ZNF547: variants seen among roughly 807,000 people sequenced by gnomAD.
ZNF547 encodes the protein zinc finger protein 547.
In ZNF547, 4 loss-of-function variants were observed where a neutral mutation model predicts 7.7. That is an observed-to-expected ratio of 0.52 (90% CI 0.26 to 1.20). The LOEUF is 1.20. Ranked by LOEUF, ZNF547 falls within the 50% of genes most tolerant of loss-of-function variation. The pLI is 0.14. For missense variants in ZNF547, 449 were observed against 485.8 expected (o/e 0.92, Z 0.71); for synonymous variants, 166 against 166.2 (o/e 1.00, Z 0.01).
chr19:57,364,792 C>T (rs1425997951), intron 1 of ZNF547: 9 of 1,513,068 alleles, frequency 5.9e-6, no homozygotes, highest in African/African-American at 1.4e-5. Context: ...CATTGCGTTT[C>T]CGTTGTCGGC....
chr19:57,364,986 G>T (rs1233330544), intron 1 of ZNF547: 1 of 1,612,908 alleles, frequency 6.2e-7, no homozygotes, highest in African/African-American at 1.3e-5. Flanking sequence ...TCGTAGATGA[G>T]AACATGTGGC....
At chr19:57,376,065 A>G (rs2088534541) in intron 3 of ZNF547, among the ~76,000 whole-genome samples, 1 of 152,180 alleles carries the variant, frequency 6.6e-6, no homozygotes, top group African/African-American at 2.4e-5. Context: ...CAGGAAGCTG[A>G]GGCAGGATAA....
intron 1 of ZNF547, chr19:57,364,380 A>T (rs1044411969): frequency 1.2e-5 from 2 of 169,518 alleles, no homozygotes; most frequent in African/African-American, 4.8e-5. Flanking sequence ...TCAAGTTGAA[A>T]ATGTCACATG....
intron 3 of ZNF547, among the ~76,000 whole-genome samples, chr19:57,374,318 A>C (rs895703094): frequency 6.6e-6 from 1 of 152,222 alleles, no homozygotes; most frequent in African/African-American, 2.4e-5. Context: ...CCGAGGCTGC[A>C]TAGAGCAGGG....
rs2088506765 is a variant in ZNF547 at position 57,371,848 on chromosome 19, G to A, written c.91G>A (p.Ala31Thr). 1.2e-6 allele frequency: 2 copies of A among 1,613,872 alleles called. No homozygotes were observed. The highest frequency in any genetic ancestry group is 1.7e-6 in the Non-Finnish European group (2 of 1,179,862). ...GGAGGAGTGGGGGCATCTCGATGAG[G>A]CTCAGAGATTGCTGTACCGTGATGT... The part of the protein sequence containing the change: ...SQEEWGHLDE[A>T]QRLLYRDVML... Residue 31 changes from alanine (A) to threonine (T), a missense_variant, in exon 3 of 4, where the codon GCT (alanine) becomes ACT (threonine). Coordinates refer to ENST00000282282, the MANE Select transcript of ZNF547 (RefSeq NM_173631.4).
In ZNF547 at chr19:57,377,565, T is replaced by G; in HGVS notation, c.589T>G (p.Ser197Ala). 1 of 1,614,168 alleles carries G rather than the reference T, an allele frequency of 6.2e-7. No individual in the cohort carries two copies. Among genetic ancestry groups the G allele is most frequent in the Non-Finnish European group, 8.5e-7 (1 of 1,180,038 alleles). The change falls in exon 4 of 4, where the codon TCC becomes GCC. Residue 197 changes from serine to alanine, a missense_variant. Transcript: ENST00000282282. The stretch of plus-strand genomic sequence containing the variant: ...ATGTGGGATATTGTTTATGGAAAGG[T>G]CCACACTCAATAGACATCAGAGAAC... ...SKCGILFMERSTLNRHQRTHT... is the reference protein window; with the variant it reads ...SKCGILFMERATLNRHQRTHT...
chr19:57,377,882 GAA>G lies in ZNF547; in HGVS notation c.908_909del (p.Lys303IlefsTer10). The G allele has an allele frequency of 1.9e-6, 3 of 1,613,902 alleles. No homozygotes were observed. The highest frequency in any genetic ancestry group is 2.5e-6 in the Non-Finnish European group (3 of 1,179,998). On this transcript the variant is annotated frameshift_variant, in exon 4 of 4. Coordinates refer to ENST00000282282, the MANE Select transcript of ZNF547 (RefSeq NM_173631.4). LOFTEE classifies it low-confidence loss of function (END_TRUNC). ...GGTCTTATGGTTGCAGTGAATGTGG[GAA>G]ATTCTTTATGGAAAGGTCTACACTC... Reference protein sequence around the residue: ...KRSYGCSECGKFFMERSTLSR... With the variant: ...KRSYGCSECGXFFMERSTLSR...
intron 3 of ZNF547, among the ~76,000 whole-genome samples, chr19:57,372,445 GACTGTC>G (rs1167539679): frequency 6.6e-6 from 1 of 152,176 alleles, no homozygotes; most frequent in Non-Finnish European, 1.5e-5. Context: ...AGGTCTCACA[GACTGTC>G]ACCTTAAGCA....
rs764236042 is a variant in ZNF547, at chr19:57,364,889, A to G, written c.-13+1186A>G. On this transcript the variant is annotated intron_variant, in intron 1 of 3. Transcript: ENST00000282282. ...GGTCACCATGATAATCCAGTTTTTG[A>G]AATGGAGTTTTTGCCAGCTGGGAAG... 3.1e-6 allele frequency: 5 copies of G among 1,612,076 alleles called. No individual in the cohort carries two copies. In the African/African-American group the frequency reaches 6.7e-5, roughly 21 times the overall value.
Position 57,378,146 on chromosome 19 carries a change from C to G in ZNF547, c.1170C>G (p.Asn390Lys). ...AATGTGGGAAATTCTTTAGGTATAA[C>G]TCTACACTTCTCAGACATCAGAAAG... Reference protein sequence around the residue: ...CSECGKFFRYNSTLLRHQKVH... With the variant: ...CSECGKFFRYKSTLLRHQKVH... The change falls in exon 4 of 4, where the codon AAC becomes AAG. Residue 390 changes from asparagine to lysine, a missense_variant. Coordinates refer to ENST00000282282, the MANE Select transcript of ZNF547 (RefSeq NM_173631.4). 1 of 1,611,122 alleles carries G rather than the reference C, an allele frequency of 6.2e-7. No homozygotes were observed. The highest frequency in any genetic ancestry group is 8.5e-7 in the Non-Finnish European group (1 of 1,177,618).
chr19:57,364,207 C>T (rs1436330212), intron 1 of ZNF547: 1 of 154,986 alleles, frequency 6.5e-6, no homozygotes, highest in African/African-American at 2.4e-5. Context: ...GTTTTCCTGC[C>T]GTATCAGATA....
Position 57,373,617 on chromosome 19 carries a change from C to A in ZNF547, c.151+1709C>A, listed in dbSNP as rs369878043. Among the ~76,000 whole-genome samples the A allele has an allele frequency of 4.6e-5, 7 of 152,292 alleles. No homozygotes were observed. In the East Asian group the frequency reaches 1.4e-3, roughly 29 times the overall value. ...AAAATCAAAAGCAAGTTAGTTACTT[C>A]TAAGATATAATGGGGATAGAGGCAC... On this transcript the variant is annotated intron_variant, in intron 3 of 3. Transcript: ENST00000282282.
In ZNF547 at chr19:57,377,797, G is replaced by A; in HGVS notation, c.821G>A (p.Gly274Glu). 6.2e-7 allele frequency: 1 copy of A among 1,614,178 alleles called. No individual in the cohort carries two copies. Among genetic ancestry groups the A allele is most frequent in the Non-Finnish European group, 8.5e-7 (1 of 1,180,028 alleles). ...AGGCCTTATGGTTGCAGTGAATGTGGGAAGTTCTTTAAGTGCAACTCAAAC... is the reference window on the plus strand; with the variant it reads ...AGGCCTTATGGTTGCAGTGAATGTGAGAAGTTCTTTAAGTGCAACTCAAAC... ...GKRPYGCSEC[G>E]KFFKCNSNLF... Residue 274 changes from glycine (G) to glutamate (E), a missense_variant, in exon 4 of 4, where the codon GGG becomes GAG. Coordinates refer to ENST00000282282, the MANE Select transcript of ZNF547 (RefSeq NM_173631.4).
chr19:57,377,570 A>C lies in ZNF547; in HGVS notation c.594A>C (p.Thr198=). 1 of 1,614,216 alleles carries C rather than the reference A, an allele frequency of 6.2e-7. No homozygotes were observed. The highest frequency in any genetic ancestry group is 8.5e-7 in the Non-Finnish European group (1 of 1,180,040). ...GGATATTGTTTATGGAAAGGTCCAC[A>C]CTCAATAGACATCAGAGAACTCACA... is the stretch of plus-strand genomic sequence containing the variant. The part of the protein sequence containing the change: ...KCGILFMERS[T]LNRHQRTHTG... The change falls in exon 4 of 4, where the codon ACA becomes ACC. Residue 198 remains threonine (T), a synonymous_variant. Transcript: ENST00000282282.
intron 1 of ZNF547, among the ~76,000 whole-genome samples, chr19:57,365,731 ACT>A (rs2088463882): frequency 6.6e-6 from 1 of 150,472 alleles, no homozygotes; most frequent in Non-Finnish European, 1.5e-5. Flanking sequence ...CTGGTCTTGA[ACT>A]CCTGACCTCG....
chr19:57,373,258 A>G (rs2088517119), intron 3 of ZNF547, among the ~76,000 whole-genome samples: 1 of 152,080 alleles, frequency 6.6e-6, no homozygotes, highest in African/African-American at 2.4e-5. Flanking sequence ...GACACATAAA[A>G]CCAGCAAATT....
At chr19:57,367,704 G>T (rs140475111) in intron 1 of ZNF547, among the ~76,000 whole-genome samples, 13 of 152,310 alleles carry the variant, frequency 8.5e-5, no homozygotes, top group African/African-American at 2.9e-4. Context: ...GGTTTGAGAT[G>T]GTTTATATTC....
At position 57,377,858 on chromosome 19, in the gene ZNF547, G is replaced by C. The variant is rs200323589; in HGVS notation, c.882G>C (p.Arg294Ser). 6.2e-7 allele frequency: 1 copy of C among 1,613,678 alleles called. No individual in the cohort carries two copies. The highest frequency in any genetic ancestry group is 1.7e-5 in the Admixed American group (1 of 59,954). ...FRHYRIHTGK[R>S]SYGCSECGKF... ...ATTACAGAATTCATACAGGAAAAAG[G>C]TCTTATGGTTGCAGTGAATGTGGGA... The change falls in exon 4 of 4, where the codon AGG (arginine) becomes AGC (serine). Residue 294 changes from arginine (R) to serine (S), a missense_variant. Transcript: ENST00000282282.
chr19:57,379,006 G>C lies in ZNF547; in HGVS notation c.*821G>C. On this transcript the variant is annotated 3_prime_UTR_variant, in exon 4 of 4. Coordinates refer to ENST00000282282, the MANE Select transcript of ZNF547 (RefSeq NM_173631.4). ...TCAAAGTTCATTCATTTTTTAGCATGTGTCAGAAATTTTAAGGCTGAGCAA... is the reference window on the plus strand; with the variant it reads ...TCAAAGTTCATTCATTTTTTAGCATCTGTCAGAAATTTTAAGGCTGAGCAA... 1 of 174,346 alleles carries C rather than the reference G, an allele frequency of 5.7e-6. No homozygotes were observed. The highest frequency in any genetic ancestry group is 1.2e-5 in the Non-Finnish European group (1 of 81,554). 10.8% of individuals were successfully genotyped at this position (174,346 alleles called of 1,614,324 possible).
Sources: allele counts gnomAD v4.1 joint callset (sites outside exome capture counted in the v4.1 genomes callset), GRCh38; gene constraint gnomAD v4.1.1; transcripts MANE v1.5; gene names NCBI Gene and HGNC (gene_info 2026-07-23, HGNC 2026-07-21).